XRCC4: variants seen among roughly 807,000 people sequenced by gnomAD.
XRCC4 encodes the protein DNA repair protein XRCC4.
Under a neutral mutation model 39.1 loss-of-function variants are expected in XRCC4, and 28 were observed. The observed-to-expected ratio is 0.72, with a 90% confidence interval of 0.53 to 0.98. The LOEUF (loss-of-function observed/expected upper bound fraction) is 0.98. Ranked by LOEUF, XRCC4 falls within the 50% of genes least tolerant of loss-of-function variation. XRCC4 has a pLI of 0.00. For synonymous variants in XRCC4, 123 were observed against 126.4 expected (o/e 0.97, Z 0.18); for missense variants, 350 against 376.4 (o/e 0.93, Z 0.58).
intron 3 of XRCC4, among the ~76,000 whole-genome samples, chr5:83,113,836 C>T (rs990960821): frequency 6.6e-6 from 1 of 152,126 alleles, no homozygotes; most frequent in African/African-American, 2.4e-5. Flanking sequence ...CCATGTTAGC[C>T]AAGATGGTCT....
At chr5:83,229,543 G>GA (rs564340013) in intron 6 of XRCC4, among the ~76,000 whole-genome samples, 1 of 150,564 alleles carries the variant, frequency 6.6e-6, no homozygotes, top group African/African-American at 2.4e-5. Context: ...ATTTTGGGGG[G>GA]AAAAAAAGGT....
intron 3 of XRCC4, among the ~76,000 whole-genome samples, chr5:83,177,923 A>G (rs1750032247): frequency 6.6e-6 from 1 of 152,206 alleles, no homozygotes; most frequent in African/African-American, 2.4e-5. Context: ...AGTCACTAGA[A>G]GAGTCAGAGA....
intron 7 of XRCC4, among the ~76,000 whole-genome samples, chr5:83,330,735 T>C (rs1410915253): frequency 1.3e-5 from 2 of 152,064 alleles, no homozygotes; most frequent in African/African-American, 4.8e-5. Context: ...ACTATATGTA[T>C]CAAATATTAC....
intron 3 of XRCC4, among the ~76,000 whole-genome samples, chr5:83,122,828 AATTTTGTTTG>A (rs1747073958): frequency 6.6e-6 from 1 of 151,892 alleles, no homozygotes; most frequent in Non-Finnish European, 1.5e-5. Context: ...TTTTGTTTTC[AATTTTGTTTG>A]ATATTACAGA....
intron 7 of XRCC4, among the ~76,000 whole-genome samples, chr5:83,310,351 C>T (rs1468884078): frequency 6.6e-6 from 1 of 152,032 alleles, no homozygotes; most frequent in African/African-American, 2.4e-5. Flanking sequence ...TTGATTGGCT[C>T]CAGTGAGAGG....
At chr5:83,302,591 C>T (rs752456714) in intron 7 of XRCC4, among the ~76,000 whole-genome samples, 1 of 152,138 alleles carries the variant, frequency 6.6e-6, no homozygotes. Context: ...ACCTGGCTTC[C>T]GCTTGGTCTC....
Position 83,132,131 on chromosome 5 carries a change from CACTTATG to C in XRCC4, c.315+20930_315+20936del, listed in dbSNP as rs747703205. ...TCTGTAAAGTATTTTATTTCTCTTT[CACTTATG>C]AAGCTTAGTTTGGCTGGACATGAAA... On this transcript the variant is annotated intron_variant, in intron 3 of 7. Transcript: ENST00000396027. Among the ~76,000 whole-genome samples the C allele has an allele frequency of 2.5e-4, 38 of 152,052 alleles. 1 individual carries two copies. The highest frequency in any genetic ancestry group is 5.9e-5 in the Non-Finnish European group (4 of 68,022).
At chr5:83,358,632 A>G (rs1328566543), downstream of XRCC4, among the ~76,000 whole-genome samples, 1 of 152,174 alleles carries the variant, frequency 6.6e-6, no homozygotes, top group Non-Finnish European at 1.5e-5. Context: ...CAATTTTGGT[A>G]GCCGCTGTTC....
chr5:83,334,056 C>T (rs1275858698), intron 7 of XRCC4, among the ~76,000 whole-genome samples: 2 of 152,166 alleles, frequency 1.3e-5, no homozygotes, highest in Admixed American at 6.6e-5. Flanking sequence ...GCATGAGCCA[C>T]GGTGCCCAGC....
At chr5:83,340,629 A>C (rs900587905) in intron 7 of XRCC4, among the ~76,000 whole-genome samples, 1 of 151,630 alleles carries the variant, frequency 6.6e-6, no homozygotes, top group African/African-American at 2.4e-5. Context: ...AAAAAAAAAA[A>C]ACAACAAAAC....
At chr5:83,107,931 C>A (rs1335846306) in intron 2 of XRCC4, among the ~76,000 whole-genome samples, 3 of 151,840 alleles carry the variant, frequency 2.0e-5, no homozygotes, top group African/African-American at 7.2e-5. Flanking sequence ...GTCTTCTGAG[C>A]TCCAGTACAA....
intron 7 of XRCC4, among the ~76,000 whole-genome samples, chr5:83,316,018 C>G (rs1355107563): frequency 6.6e-6 from 1 of 151,986 alleles, no homozygotes; most frequent in East Asian, 1.9e-4. Flanking sequence ...GTTCTAGATG[C>G]CATTAAGAAC....
chr5:83,104,241 T>C (rs1258762620), intron 1 of XRCC4, among the ~76,000 whole-genome samples: 1 of 152,124 alleles, frequency 6.6e-6, no homozygotes, highest in African/African-American at 2.4e-5. Context: ...TGTGAGATTT[T>C]TTTTCCCCCA....
chr5:83,177,442 T>G (rs72767172), intron 3 of XRCC4, among the ~76,000 whole-genome samples: 95 of 84,476 alleles, frequency 1.1e-3, no homozygotes, highest in Middle Eastern at 4.9e-3. Flanking sequence ...TAATACCTTT[T>G]TTTTTTTTTT....
At chr5:83,211,436 GT>G (rs759275589) in intron 6 of XRCC4, among the ~76,000 whole-genome samples, 4 of 152,216 alleles carry the variant, frequency 2.6e-5, no homozygotes, top group Non-Finnish European at 4.4e-5. Flanking sequence ...TACTAACCTG[GT>G]TGTGCTCATG....
chr5:83,357,027 A>G (rs1414330819), downstream of XRCC4, among the ~76,000 whole-genome samples: 1 of 152,220 alleles, frequency 6.6e-6, no homozygotes, highest in Non-Finnish European at 1.5e-5. Context: ...TATAACTCAG[A>G]TTTGTAAAAT....
At chr5:83,186,026 T>C (rs935341300) in intron 3 of XRCC4, among the ~76,000 whole-genome samples, 4 of 152,150 alleles carry the variant, frequency 2.6e-5, no homozygotes, top group Non-Finnish European at 4.4e-5. Context: ...CTTTCTGAAC[T>C]CTTACTATGA....
intron 3 of XRCC4, among the ~76,000 whole-genome samples, chr5:83,114,536 A>G (rs1462898994): frequency 1.3e-5 from 2 of 152,188 alleles, no homozygotes; most frequent in African/African-American, 4.8e-5. Flanking sequence ...TTAGTTCCCA[A>G]CAAGTTCCTC....
rs28383140 is a variant in XRCC4, at chr5:83,105,175, C to T, written c.139+117C>T. On this transcript the variant is annotated intron_variant, in intron 2 of 7. Coordinates refer to ENST00000396027, the MANE Select transcript of XRCC4 (RefSeq NM_003401.5). ...CTGATATTAATTTTACTTGCTATTG[C>T]TGTCAAATTTATACACAGGTTTGTA... 2.9e-3 allele frequency: 2,954 copies of T among 1,002,128 alleles called. 53 individuals carry two copies. The African/African-American group carries it at 0.041, about 14-fold the overall frequency. 62.1% of individuals were successfully genotyped at this position (1,002,128 alleles called of 1,614,324 possible).
Sources: allele counts gnomAD v4.1 joint callset (sites outside exome capture counted in the v4.1 genomes callset), GRCh38; gene constraint gnomAD v4.1.1; transcripts MANE v1.5; gene names NCBI Gene and HGNC (gene_info 2026-07-23, HGNC 2026-07-21).